HSPA12A: variants seen among roughly 807,000 people sequenced by gnomAD.
The protein encoded by HSPA12A is heat shock 70 kDa protein 12A.
Under a neutral mutation model 69.2 loss-of-function variants are expected in HSPA12A, and 28 were observed. The ratio of observed to expected loss-of-function variants is 0.40; its 90% CI spans 0.30 to 0.55. The LOEUF (loss-of-function observed/expected upper bound fraction) is 0.55, where lower values mean the gene tolerates loss of function less well. Ranked by LOEUF, HSPA12A falls within the 20% of genes least tolerant of loss-of-function variation. The probability of loss-of-function intolerance (pLI) is 0.38; values close to 1 mark genes in which losing one functional copy is unlikely to be tolerated. For synonymous variants in HSPA12A, 345 were observed against 370.5 expected, an observed-to-expected ratio of 0.93 and a Z score of 0.79; for missense variants, 686 against 900.7, an observed-to-expected ratio of 0.76 and a Z score of 3.05.
At chr10:116,770,316 G>A (rs1844172193) in intron 2 of HSPA12A, among the ~76,000 whole-genome samples, 1 of 152,172 alleles carries the variant, frequency 6.6e-6, no homozygotes, top group Admixed American at 6.5e-5. Flanking sequence ...TCAGATGAAA[G>A]GCTTCCTGCA....
intron 2 of HSPA12A, among the ~76,000 whole-genome samples, chr10:116,775,219 T>C (rs1466966707): frequency 6.6e-6 from 1 of 152,134 alleles, no homozygotes; most frequent in Non-Finnish European, 1.5e-5. Context: ...CACAAACCTA[T>C]GGATAGGGCC....
At chr10:116,719,072 C>T (rs782454235) in intron 1 of HSPA12A, among the ~76,000 whole-genome samples, 1 of 152,178 alleles carries the variant, frequency 6.6e-6, no homozygotes, top group African/African-American at 2.4e-5. Context: ...TTGATAGATG[C>T]TGCCAAGATA....
At chr10:116,764,274 G>A (rs1429210955) in intron 2 of HSPA12A, among the ~76,000 whole-genome samples, 1 of 152,164 alleles carries the variant, frequency 6.6e-6, no homozygotes, top group Admixed American at 6.5e-5. Context: ...AACCAACAAT[G>A]TGAAAGGTTA....
At chr10:116,767,508 C>T (rs1234947766) in intron 2 of HSPA12A, among the ~76,000 whole-genome samples, 2 of 152,246 alleles carry the variant, frequency 1.3e-5, no homozygotes, top group Admixed American at 1.3e-4. Context: ...CGGCCCCTCC[C>T]TTCTCTGCTC....
chr10:116,793,195 T>A (rs1043492057), intron 2 of HSPA12A, among the ~76,000 whole-genome samples: 2 of 152,160 alleles, frequency 1.3e-5, no homozygotes, highest in African/African-American at 2.4e-5. Flanking sequence ...AGTTTAAAGA[T>A]CTAAAATGCA....
intron 2 of HSPA12A, chr10:116,750,571 T>C: frequency 2.9e-6 from 1 of 344,458 alleles, no homozygotes; most frequent in African/African-American, 2.2e-5. Context: ...AACAGTCCTC[T>C]CAATACATAA....
At chr10:116,680,426 A>T (rs1350432440) in intron 9 of HSPA12A, among the ~76,000 whole-genome samples, 1 of 152,160 alleles carries the variant, frequency 6.6e-6, no homozygotes, top group Non-Finnish European at 1.5e-5. Flanking sequence ...TCCCTGTGTG[A>T]TCCTCTAATT....
At chr10:116,749,960 T>G (rs1490267903) in intron 2 of HSPA12A, 1 of 188,788 alleles carries the variant, frequency 5.3e-6, no homozygotes, top group Non-Finnish European at 1.1e-5. Flanking sequence ...CAAAGTGAAA[T>G]TTAGAAGACA....
intron 1 of HSPA12A, among the ~76,000 whole-genome samples, chr10:116,734,059 C>T (rs77494191): frequency 6.6e-6 from 1 of 152,144 alleles, no homozygotes; most frequent in African/African-American, 2.4e-5. Flanking sequence ...GCTACCGGAA[C>T]CTTTCCAAAA....
chr10:116,804,824 T>C (rs1207198148), intron 2 of HSPA12A, among the ~76,000 whole-genome samples: 2 of 152,214 alleles, frequency 1.3e-5, no homozygotes, highest in African/African-American at 4.8e-5. Context: ...ACCTGTTTCC[T>C]TCTAAGAGGC....
chr10:116,751,185 G>T (rs73387130), intron 2 of HSPA12A: 2,607 of 240,914 alleles, frequency 0.011, 72 homozygotes, highest in African/African-American at 0.056. Context: ...GTCCCAAAAT[G>T]TCCCTTGCTC....
chr10:116,848,865 G>T (rs1845960770), intron 1 of HSPA12A, among the ~76,000 whole-genome samples: 1 of 152,150 alleles, frequency 6.6e-6, no homozygotes, highest in East Asian at 1.9e-4. Context: ...ACCCACACTG[G>T]TTTTTTTCAT....
chr10:116,724,233 G>A (rs1850875883), intron 1 of HSPA12A, among the ~76,000 whole-genome samples: 1 of 152,136 alleles, frequency 6.6e-6, no homozygotes, highest in South Asian at 2.1e-4. Context: ...CGCACTTTGG[G>A]TTCAGAGACC....
At chr10:116,705,997 G>A (rs1040824754) in intron 2 of HSPA12A, among the ~76,000 whole-genome samples, 5 of 146,164 alleles carry the variant, frequency 3.4e-5, no homozygotes, top group Non-Finnish European at 4.5e-5. Context: ...CCGGGTTCAC[G>A]CCCTTCTCCG....
intron 1 of HSPA12A, among the ~76,000 whole-genome samples, chr10:116,722,401 C>T (rs758369): frequency 0.079 from 12,057 of 152,276 alleles, 584 homozygotes; most frequent in South Asian, 0.13. Flanking sequence ...TCCAACCAAC[C>T]CTTGTCTCCC....
At chr10:116,762,653 G>A (rs1434991740) in intron 2 of HSPA12A, among the ~76,000 whole-genome samples, 1 of 152,044 alleles carries the variant, frequency 6.6e-6, no homozygotes, top group African/African-American at 2.4e-5. Flanking sequence ...GCACAGTCTC[G>A]GCTCACTACA....
chr10:116,795,156 C>T (rs2133158527), intron 2 of HSPA12A, among the ~76,000 whole-genome samples: 1 of 152,280 alleles, frequency 6.6e-6, no homozygotes, highest in East Asian at 1.9e-4. Flanking sequence ...CCTTCATACC[C>T]CCAAATGCAA....
rs1845647334 is a variant in HSPA12A, at chr10:116,832,981, GA to G, written c.91+1953del. ...GGTAGGAAAGAGGTCATGAGACAAG[GA>G]AAGGAAGCTGAAAAACCGAAGTTTC... On this transcript the variant is annotated intron_variant, in intron 2 of 12. Coordinates refer to the HSPA12A transcript ENST00000635765. 3 of 152,184 alleles carry G rather than the reference GA, an allele frequency of 2.0e-5. No homozygotes were observed. The South Asian group carries it at 6.2e-4, about 31-fold the overall frequency. The allele number at this position is 152,184 out of a possible 1,614,324, so 9.4% of individuals were successfully genotyped here.
At chr10:116,685,446 C>A (rs1292114883) in intron 6 of HSPA12A, among the ~76,000 whole-genome samples, 1 of 151,162 alleles carries the variant, frequency 6.6e-6, no homozygotes, top group Non-Finnish European at 1.5e-5. Flanking sequence ...ACCAGCCTGG[C>A]CAAGATGGTG....
Sources: gnomAD v4.1 joint callset for allele counts (sites outside exome capture counted in the v4.1 genomes callset) on GRCh38, gnomAD v4.1.1 for gene constraint, MANE v1.5 for transcripts, NCBI Gene and HGNC (gene_info 2026-07-23, HGNC 2026-07-21) for gene names.